CLIC5: variants seen among roughly 807,000 people sequenced by gnomAD.
The protein encoded by CLIC5 is CLIC family member 5.
Under a neutral mutation model 24.7 loss-of-function variants are expected in CLIC5, and 20 were observed. The ratio of observed to expected loss-of-function variants is 0.81; its 90% CI spans 0.57 to 1.18. CLIC5 has a LOEUF of 1.18. Among genes scored for constraint, CLIC5 ranks in the 50% most tolerant of loss-of-function variants. The pLI, the probability that CLIC5 is intolerant of heterozygous loss-of-function variation, is 0.00. For missense variants in CLIC5, 341 were observed against 326.1 expected (o/e 1.05, Z -0.35); for synonymous variants, 159 against 135.6 (o/e 1.17, Z -1.20).
chr6:45,959,714 A>G (rs1204335), intron 1 of CLIC5, among the ~76,000 whole-genome samples: 1 of 152,060 alleles, frequency 6.6e-6, no homozygotes, highest in Admixed American at 6.5e-5. Context: ...AAAACTGCTT[A>G]GTGAGGGAGG....
At chr6:45,993,799 C>T (rs1249123054) in intron 1 of CLIC5, among the ~76,000 whole-genome samples, 1 of 152,212 alleles carries the variant, frequency 6.6e-6, no homozygotes, top group South Asian at 2.1e-4. Flanking sequence ...TGTACACTTA[C>T]TATGTGCCCA....
chr6:45,901,932 C>A lies in CLIC5; in HGVS notation c.*1156G>T, dbSNP rs1301233620. 6.6e-6 allele frequency: 1 copy of A among 152,514 alleles called. No individual in the cohort carries two copies. Among genetic ancestry groups the A allele is most frequent in the Non-Finnish European group, 1.5e-5 (1 of 68,022 alleles). 9.4% of individuals were successfully genotyped at this position (152,514 alleles called of 1,614,324 possible). A position where few individuals can be genotyped will look rare whatever the true frequency, so the allele number is the denominator to read the frequency against. Reference sequence around the variant, plus strand: ...GACCACCTCCTAAATGTGGCTTTTACCCATTACAGGCTACAGTTGAATCAG... The same window carrying A: ...GACCACCTCCTAAATGTGGCTTTTAACCATTACAGGCTACAGTTGAATCAG... On this transcript the variant is annotated 3_prime_UTR_variant, in exon 6 of 6. Transcript: ENST00000339561.
At position 45,902,357 on chromosome 6, in the gene CLIC5, A is replaced by C. The variant is rs1762532717; in HGVS notation, c.*731T>G. On this transcript the variant is annotated 3_prime_UTR_variant, in exon 6 of 6. Transcript: ENST00000339561. ...CACTGCTCCCCTCCCCTCCCATCCCAGTCACTGCAGTTTAGAATTGCATGC... is the reference window on the plus strand; with the variant it reads ...CACTGCTCCCCTCCCCTCCCATCCCCGTCACTGCAGTTTAGAATTGCATGC... 6.5e-6 allele frequency: 1 copy of C among 152,760 alleles called. No individual in the cohort carries two copies. Among genetic ancestry groups the C allele is most frequent in the Admixed American group, 6.5e-5 (1 of 15,294 alleles). The allele number at this position is 152,760 out of a possible 1,614,324, so 9.5% of individuals were successfully genotyped here.
At chr6:45,921,385 CG>C (rs1267757770) in intron 4 of CLIC5, among the ~76,000 whole-genome samples, 17 of 152,102 alleles carry the variant, frequency 1.1e-4, no homozygotes, top group African/African-American at 4.1e-4. Flanking sequence ...TCGAGTATGT[CG>C]GGGAGCCATG....
At chr6:45,894,148 A>C (rs1256641203), downstream of CLIC5, among the ~76,000 whole-genome samples, 2 of 152,236 alleles carry the variant, frequency 1.3e-5, no homozygotes, top group East Asian at 3.8e-4. Context: ...GACAACCATG[A>C]GGTATATTTC....
chr6:45,958,171 T>C (rs894670643), intron 1 of CLIC5, among the ~76,000 whole-genome samples: 3 of 151,790 alleles, frequency 2.0e-5, no homozygotes, highest in Non-Finnish European at 2.9e-5. Context: ...GGCACAGACA[T>C]GCAGAGGACA....
intron 1 of CLIC5, among the ~76,000 whole-genome samples, chr6:46,049,833 A>G (rs997405939): frequency 3.9e-5 from 6 of 152,204 alleles, no homozygotes; most frequent in African/African-American, 1.4e-4. Context: ...GTTATAGTTA[A>G]TTGTTTCCAA....
At chr6:45,906,068 A>G (rs541201934) in intron 5 of CLIC5, among the ~76,000 whole-genome samples, 46 of 152,112 alleles carry the variant, frequency 3.0e-4, no homozygotes, top group African/African-American at 1.0e-3. Context: ...CCATTCATCT[A>G]TGTGTCTGTT....
the CLIC5 span, among the ~76,000 whole-genome samples, chr6:46,093,540 G>C: frequency 2.0e-5 from 3 of 152,124 alleles, no homozygotes; most frequent in African/African-American, 7.2e-5. Flanking sequence ...ACATGTAACA[G>C]AGGAAAAGCA....
chr6:45,990,833 G>A (rs1326430680), intron 1 of CLIC5, among the ~76,000 whole-genome samples: 1 of 152,208 alleles, frequency 6.6e-6, no homozygotes, highest in Admixed American at 6.5e-5. Flanking sequence ...TTTGATTGGT[G>A]TGATGTCAGA....
chr6:45,951,497 G>A (rs903512445), intron 2 of CLIC5, among the ~76,000 whole-genome samples: 7 of 152,316 alleles, frequency 4.6e-5, no homozygotes, highest in Admixed American at 1.3e-4. Context: ...TGTTTGACAC[G>A]GCTAGGTCCT....
rs1407792800 is a variant in CLIC5, at chr6:45,913,049, T to C, written c.588+1179A>G. Among the ~76,000 whole-genome samples the C allele has an allele frequency of 2.6e-5, 4 of 152,198 alleles. No individual in the cohort carries two copies. In the East Asian group the frequency reaches 7.7e-4, roughly 29 times the overall value. On this transcript the variant is annotated intron_variant, in intron 5 of 5. Transcript: ENST00000339561. ...CTTGAGCTGAAAAATAATAGGCATA[T>C]ACTCAGCTGACAGATGATTGAATCT...
intron 1 of CLIC5, among the ~76,000 whole-genome samples, chr6:46,007,233 T>C (rs1032144392): frequency 6.6e-6 from 1 of 152,218 alleles, no homozygotes; most frequent in Admixed American, 6.5e-5. Flanking sequence ...ACAGGATACA[T>C]AGGCTTTCTT....
At chr6:46,023,621 C>T (rs556473227) in intron 1 of CLIC5, among the ~76,000 whole-genome samples, 5 of 152,020 alleles carry the variant, frequency 3.3e-5, no homozygotes, top group Non-Finnish European at 7.4e-5. Context: ...AACATAGGGT[C>T]CAAGAGATGG....
the CLIC5 span, among the ~76,000 whole-genome samples, chr6:46,102,324 C>T: frequency 6.6e-6 from 1 of 152,188 alleles, no homozygotes; most frequent in East Asian, 1.9e-4. Context: ...CCTGTCTAGA[C>T]TCATCTTGGC....
chr6:46,041,518 G>T (rs1386176531), intron 1 of CLIC5, among the ~76,000 whole-genome samples: 1 of 152,070 alleles, frequency 6.6e-6, no homozygotes, highest in South Asian at 2.1e-4. Context: ...CCAGTTCTTC[G>T]TTCCTCACTT....
the CLIC5 span, among the ~76,000 whole-genome samples, chr6:46,120,342 C>A: frequency 6.6e-6 from 1 of 152,202 alleles, no homozygotes; most frequent in Admixed American, 6.5e-5. Flanking sequence ...GGACCTCCAG[C>A]AAACTCCAAC....
the CLIC5 span, among the ~76,000 whole-genome samples, chr6:46,113,409 A>C: frequency 3.3e-5 from 5 of 152,142 alleles, no homozygotes; most frequent in African/African-American, 9.7e-5. Flanking sequence ...AGGAGGTAAG[A>C]AACAAGTTGT....
chr6:45,982,595 G>T (rs773797150), intron 1 of CLIC5, among the ~76,000 whole-genome samples: 96 of 152,222 alleles, frequency 6.3e-4, no homozygotes, highest in Non-Finnish European at 1.1e-3. Context: ...TAACACAAGG[G>T]TAAGTGTTTG....
Sources: gnomAD v4.1 joint callset for allele counts (sites outside exome capture counted in the v4.1 genomes callset) on GRCh38, gnomAD v4.1.1 for gene constraint, MANE v1.5 for transcripts, NCBI Gene and HGNC (gene_info 2026-07-23, HGNC 2026-07-21) for gene names.